CNOT2: variants seen among roughly 807,000 people sequenced by gnomAD.
The protein encoded by CNOT2 is CC chemokine receptor 4-negative regulator of transcription 2.
A neutral mutation model predicts 72.1 loss-of-function variants in CNOT2; 7 were observed. That is an observed-to-expected ratio of 0.10 (90% CI 0.06 to 0.18). The LOEUF (loss-of-function observed/expected upper bound fraction) is 0.18, where lower values mean the gene tolerates loss of function less well. Among genes scored for constraint, CNOT2 ranks in the 10% least tolerant of loss-of-function variants. The pLI is 1.00. For missense variants in CNOT2, 345 were observed against 660.3 expected (o/e 0.52, Z 5.23); for synonymous variants, 196 against 225.6 (o/e 0.87, Z 1.17).
At chr12:70,245,060 C>A (rs1433386723) in intron 1 of CNOT2, among the ~76,000 whole-genome samples, 3 of 152,184 alleles carry the variant, frequency 2.0e-5, no homozygotes, top group Non-Finnish European at 4.4e-5. Flanking sequence ...ATGAATAAAT[C>A]TCACAATTTT....
chr12:70,317,752 A>AT (rs965304997), intron 3 of CNOT2, among the ~76,000 whole-genome samples: 1 of 151,444 alleles, frequency 6.6e-6, no homozygotes, highest in African/African-American at 2.4e-5. Context: ...AGTATAAAAA[A>AT]TTTTGCAAAC....
chr12:70,330,573 A>G (rs1253483946), intron 6 of CNOT2, 104 bp downstream of exon 6: 3 of 647,516 alleles, frequency 4.6e-6, no homozygotes, highest in Non-Finnish European at 5.1e-6. Flanking sequence ...CTCTCTAATA[A>G]GTGTGTTTCA....
chr12:70,278,009 A>G (rs1286565428), intron 1 of CNOT2, 123 bp from the exon 2 acceptor site: 1 of 426,286 alleles, frequency 2.3e-6, no homozygotes, highest in African/African-American at 2.0e-5. Flanking sequence ...TACGAGGAAG[A>G]CTAGAGTATA....
At chr12:70,312,452 A>G (rs966193959) in intron 3 of CNOT2, among the ~76,000 whole-genome samples, 6 of 151,970 alleles carry the variant, frequency 3.9e-5, no homozygotes, top group African/African-American at 1.2e-4. Context: ...CTAAAAGTAT[A>G]TAAAGAGAAT....
chr12:70,317,197 AAAG>A (rs1170168652), intron 3 of CNOT2, among the ~76,000 whole-genome samples: 1 of 152,138 alleles, frequency 6.6e-6, no homozygotes, highest in Non-Finnish European at 1.5e-5. Flanking sequence ...TATTTGGGAT[AAAG>A]AAGGCCACTA....
At chr12:70,257,384 G>A (rs1395997635) in intron 1 of CNOT2, among the ~76,000 whole-genome samples, 1 of 127,942 alleles carries the variant, frequency 7.8e-6, no homozygotes, top group African/African-American at 3.1e-5. Context: ...TTTTTGAGAC[G>A]GAGTCTCGCT....
rs71437141 is a variant in CNOT2, at chr12:70,261,305, C to CTTTTTTTTTTTT, written c.-95-16811_-95-16800dup. 2.1e-4 allele frequency among the ~76,000 whole-genome samples: 9 copies of CTTTTTTTTTTTT among 43,342 alleles called. 2 individuals carry two copies. Among genetic ancestry groups the CTTTTTTTTTTTT allele is most frequent in the African/African-American group, 6.1e-4 (7 of 11,476 alleles). The allele number at this position is 43,342 out of a possible 152,430, so 28.4% of individuals were successfully genotyped here. ...ATCTTTGTGCCTATTTTCTTTCTTTCTTTTTTTTTTTTTTTTTTTTTTTTT... is the reference window on the plus strand; with the variant it reads ...ATCTTTGTGCCTATTTTCTTTCTTTCTTTTTTTTTTTTTTTTTTTTTTTTTTTTTTTTTTTTT... On this transcript the variant is annotated intron_variant, in intron 1 of 15. Coordinates refer to ENST00000229195, the MANE Select transcript of CNOT2 (RefSeq NM_014515.7).
chr12:70,303,667 A>G (rs973427043), intron 2 of CNOT2, among the ~76,000 whole-genome samples: 2 of 151,918 alleles, frequency 1.3e-5, no homozygotes, highest in African/African-American at 2.4e-5. Flanking sequence ...CTTCATTTCA[A>G]CTTTGGTGAA....
intron 2 of CNOT2, among the ~76,000 whole-genome samples, chr12:70,300,335 G>A (rs1315119084): frequency 6.6e-6 from 1 of 152,190 alleles, no homozygotes; most frequent in Non-Finnish European, 1.5e-5. Flanking sequence ...TTTTCTTCTA[G>A]AGTTTTTATG....
chr12:70,270,668 CTT>C (rs555232110), intron 1 of CNOT2, among the ~76,000 whole-genome samples: 1 of 152,276 alleles, frequency 6.6e-6, no homozygotes, highest in South Asian at 2.1e-4. Flanking sequence ...CTGACCCACT[CTT>C]TTAAACAAAC....
At position 70,306,891 on chromosome 12, in the gene CNOT2, T is replaced by C. The variant is rs549805295; in HGVS notation, c.49-4004T>C. Among the ~76,000 whole-genome samples the C allele has an allele frequency of 4.6e-5, 7 of 152,374 alleles. No individual in the cohort carries two copies. The East Asian group carries it at 1.4e-3, about 29-fold the overall frequency. On this transcript the variant is annotated intron_variant, in intron 2 of 15. Transcript: ENST00000229195. ...AAACCTGGATGATATAACCTCTTGCTCCTAGGCTATAAACATGTACAGCAT... is the reference window on the plus strand; with the variant it reads ...AAACCTGGATGATATAACCTCTTGCCCCTAGGCTATAAACATGTACAGCAT...
rs1258667118 is a variant in CNOT2 at position 70,330,730 on chromosome 12, T to G, written c.569+261T>G. 2.0e-5 allele frequency: 7 copies of G among 353,156 alleles called. No individual in the cohort carries two copies. In the East Asian group the frequency reaches 3.6e-4, roughly 18 times the overall value. The allele number at this position is 353,156 out of a possible 1,614,324, so 21.9% of individuals were successfully genotyped here. ...GTTCTTGGATTCGCCACCAGGCAAA[T>G]TTTGGTTGATATGTCCTCTCTTTAT... On this transcript the variant is annotated intron_variant, in intron 6 of 15. Transcript: ENST00000229195.
chr12:70,243,057 C>A (rs1957638683), upstream of CNOT2: 1 of 152,560 alleles, frequency 6.6e-6, no homozygotes, highest in Non-Finnish European at 1.5e-5. Context: ...CGGACTGAAG[C>A]CACCTCACCA....
intron 2 of CNOT2, among the ~76,000 whole-genome samples, chr12:70,286,505 C>T (rs904706148): frequency 6.7e-6 from 1 of 149,970 alleles, no homozygotes; most frequent in Non-Finnish European, 1.5e-5. Context: ...CCAATTTATT[C>T]TAACCTCCTT....
At chr12:70,243,879 G>A (rs1023201976) in intron 1 of CNOT2, 13 of 152,356 alleles carry the variant, frequency 8.5e-5, no homozygotes, top group Admixed American at 8.5e-4. Context: ...CTGCCGCCGC[G>A]CTGCTTCCTG....
At chr12:70,266,824 T>G (rs1959069521) in intron 1 of CNOT2, among the ~76,000 whole-genome samples, 1 of 151,942 alleles carries the variant, frequency 6.6e-6, no homozygotes, top group Non-Finnish European at 1.5e-5. Context: ...ATGTTTCCTG[T>G]AGACAGCATA....
rs1185132001 is a variant in CNOT2 at position 70,346,201 on chromosome 12, C to T, written c.1413C>T (p.Tyr471=). 6.2e-7 allele frequency: 1 copy of T among 1,608,654 alleles called. No individual in the cohort carries two copies. The highest frequency in any genetic ancestry group is 1.3e-5 in the African/African-American group (1 of 74,792). ...GAAGTTTTAACCGTGATTGGAGATA[C>T]CACAAAGAAGAACGAGTATGGATTA... ...AVELFNRDWR[Y]HKEERVWITR... The change falls in exon 15 of 16, where the codon TAC becomes TAT. Residue 471 remains tyrosine, a synonymous_variant. Coordinates refer to ENST00000229195, the MANE Select transcript of CNOT2 (RefSeq NM_014515.7).
At chr12:70,275,204 T>G (rs1868561144) in intron 1 of CNOT2, among the ~76,000 whole-genome samples, 1 of 152,120 alleles carries the variant, frequency 6.6e-6, no homozygotes, top group Non-Finnish European at 1.5e-5. Flanking sequence ...CTCCTCTGAT[T>G]TGCATTGTTT....
chr12:70,261,161 G>C (rs1958732924), intron 1 of CNOT2, among the ~76,000 whole-genome samples: 1 of 151,416 alleles, frequency 6.6e-6, no homozygotes, highest in Non-Finnish European at 1.5e-5. Flanking sequence ...CTAATATGTT[G>C]TATTACATTA....
Sources: gnomAD v4.1 joint callset for allele counts (sites outside exome capture counted in the v4.1 genomes callset) on GRCh38, gnomAD v4.1.1 for gene constraint, MANE v1.5 for transcripts, NCBI Gene and HGNC (gene_info 2026-07-23, HGNC 2026-07-21) for gene names.